VRK1: variants seen among roughly 807,000 people sequenced by gnomAD.
VRK1 encodes the protein serine/threonine-protein kinase VRK1.
Under a neutral mutation model 57.1 loss-of-function variants are expected in VRK1, and 33 were observed. The observed-to-expected ratio is 0.58, with a 90% CI of 0.44 to 0.77. The LOEUF (loss-of-function observed/expected upper bound fraction) is 0.77, where lower values mean the gene tolerates loss of function less well. Ranked by LOEUF, VRK1 falls within the 30% of genes least tolerant of loss-of-function variation. The pLI is 0.00. For synonymous variants in VRK1, 137 were observed against 147.8 expected (o/e 0.93, Z 0.53); for missense variants, 413 against 477.3 (o/e 0.87, Z 1.25).
At chr14:96,848,346 G>A (rs1199235168) in intron 5 of VRK1, among the ~76,000 whole-genome samples, 3 of 152,124 alleles carry the variant, frequency 2.0e-5, no homozygotes, top group South Asian at 4.1e-4. Flanking sequence ...TTTCTCTCAC[G>A]TTTTCTTGGT....
intron 2 of VRK1, among the ~76,000 whole-genome samples, chr14:96,835,409 T>A (rs1887174112): frequency 2.0e-5 from 3 of 152,218 alleles, no homozygotes; most frequent in African/African-American, 7.2e-5. Flanking sequence ...TAGGCACTTC[T>A]GTGTGCTCCG....
intron 1 of VRK1, among the ~76,000 whole-genome samples, chr14:96,828,964 A>C (rs990171408): frequency 6.6e-5 from 10 of 152,152 alleles, no homozygotes; most frequent in African/African-American, 2.4e-4. Flanking sequence ...AGGGAGTTTC[A>C]TTTAGATACA....
intron 1 of VRK1, 80 bp from the exon 2 acceptor site, chr14:96,833,387 A>T: frequency 2.6e-6 from 4 of 1,551,576 alleles, no homozygotes; most frequent in Non-Finnish European, 3.5e-6. Context: ...GCATCTCCGT[A>T]CGGAAGTTTT....
At chr14:96,856,968 A>G (rs1270127145) in intron 10 of VRK1, among the ~76,000 whole-genome samples, 1 of 149,148 alleles carries the variant, frequency 6.7e-6, no homozygotes, top group African/African-American at 2.4e-5. Flanking sequence ...ACTCCGTCTC[A>G]GAAAAAAAAA....
chr14:96,871,921 A>T (rs971723826), intron 11 of VRK1, among the ~76,000 whole-genome samples: 1 of 152,046 alleles, frequency 6.6e-6, no homozygotes, highest in African/African-American at 2.4e-5. Flanking sequence ...CCTGGATTCA[A>T]GCAGTTCTTC....
chr14:96,805,249 A>G (rs1047303683), intron 1 of VRK1, among the ~76,000 whole-genome samples: 2 of 152,226 alleles, frequency 1.3e-5, no homozygotes, highest in Non-Finnish European at 2.9e-5. Context: ...AAATGGCTCA[A>G]ATTGCAGCTT....
intron 2 of VRK1, among the ~76,000 whole-genome samples, chr14:96,834,201 A>G (rs1887125939): frequency 6.6e-6 from 1 of 152,200 alleles, no homozygotes; most frequent in Non-Finnish European, 1.5e-5. Context: ...GACTTAAAAA[A>G]TATTTTACCT....
intron 11 of VRK1, 180 bp downstream of exon 11, chr14:96,860,915 A>G: frequency 3.8e-6 from 2 of 524,834 alleles, no homozygotes; most frequent in Admixed American, 3.5e-5. Context: ...ATATTTATAT[A>G]TTTCTTATGT....
intron 1 of VRK1, among the ~76,000 whole-genome samples, chr14:96,799,730 G>A (rs1356829624): frequency 2.0e-5 from 3 of 152,162 alleles, no homozygotes; most frequent in Non-Finnish European, 4.4e-5. Flanking sequence ...TTCTGAGAAT[G>A]GATTGGTAGC....
chr14:96,803,010 C>T (rs1885724015), intron 1 of VRK1, among the ~76,000 whole-genome samples: 1 of 152,106 alleles, frequency 6.6e-6, no homozygotes, highest in Admixed American at 6.5e-5. Flanking sequence ...GGGTGTAAAT[C>T]ATCCCTTTGT....
intron 11 of VRK1, chr14:96,861,001 G>T (rs1888369271): frequency 1.4e-5 from 4 of 277,724 alleles, no homozygotes; most frequent in Non-Finnish European, 2.7e-5. Flanking sequence ...TTTTGATGGT[G>T]CACTGAATTC....
intron 1 of VRK1, among the ~76,000 whole-genome samples, chr14:96,821,378 T>C (rs1886590000): frequency 6.6e-6 from 1 of 152,194 alleles, no homozygotes; most frequent in East Asian, 1.9e-4. Context: ...CTAATACCAA[T>C]TGTTTCTACT....
intron 1 of VRK1, among the ~76,000 whole-genome samples, chr14:96,819,282 A>G (rs1443477807): frequency 1.3e-5 from 2 of 152,258 alleles, no homozygotes; most frequent in Non-Finnish European, 2.9e-5. Context: ...TTTTTTACCC[A>G]ACTTCTAAAA....
chr14:96,848,588 G>C (rs914396870), intron 5 of VRK1, among the ~76,000 whole-genome samples: 1 of 152,096 alleles, frequency 6.6e-6, no homozygotes, highest in African/African-American at 2.4e-5. Flanking sequence ...ATATGGTTTT[G>C]CTGGGATAGC....
chr14:96,852,839 T>G lies in VRK1; in HGVS notation c.383T>G (p.Phe128Cys). The part of the protein sequence containing the change: ...LHDKNGKSYR[F>C]MIMDRFGSDL... Reference sequence around the variant, plus strand: ...TTCATATTTGTCTTCAGTTACAGGTTTATGATAATGGATCGCTTTGGGAGT... The same window carrying G: ...TTCATATTTGTCTTCAGTTACAGGTGTATGATAATGGATCGCTTTGGGAGT... Residue 128 changes from phenylalanine (F) to cysteine (C), a missense_variant, in exon 6 of 13, where the codon TTT (phenylalanine) becomes TGT (cysteine). By Grantham distance (205) the Phe-to-Cys change is radical. Around this residue, in one of 3 missense-constraint regions of VRK1, gnomAD observed 151 missense variants for 225.5 expected, o/e 0.67. Transcript: ENST00000216639. The G allele has an allele frequency of 6.2e-7, 1 of 1,613,764 alleles. No homozygotes were observed. The highest frequency in any genetic ancestry group is 8.5e-7 in the Non-Finnish European group (1 of 1,179,734).
chr14:96,863,040 C>T (rs1382895731), intron 11 of VRK1, among the ~76,000 whole-genome samples: 1 of 152,122 alleles, frequency 6.6e-6, no homozygotes, highest in Non-Finnish European at 1.5e-5. Context: ...TATGTTTTTG[C>T]AGCCATGCTT....
intron 1 of VRK1, among the ~76,000 whole-genome samples, chr14:96,830,599 C>T (rs149600503): frequency 1.4e-4 from 21 of 152,188 alleles, no homozygotes; most frequent in Admixed American, 9.2e-4. Flanking sequence ...TTATAGCTAT[C>T]AACCTTTTGG....
In VRK1 at chr14:96,881,214, A is replaced by G. The variant is rs1264657996; in HGVS notation, c.*6A>G. On this transcript the variant is annotated 3_prime_UTR_variant, in exon 13 of 13. Transcript: ENST00000216639. The stretch of plus-strand genomic sequence containing the variant: ...GAAAGAGAGTCCAGAAGTAATTCAG[A>G]TGCTGTGAACCAGATTTCCTTTTCT... 6.2e-6 allele frequency: 10 copies of G among 1,602,624 alleles called. No homozygotes were observed. Among genetic ancestry groups the G allele is most frequent in the Non-Finnish European group, 6.8e-6 (8 of 1,173,690 alleles).
chr14:96,845,211 C>CTTT (rs34710890), intron 3 of VRK1, among the ~76,000 whole-genome samples: 57 of 152,064 alleles, frequency 3.7e-4, no homozygotes, highest in Admixed American at 1.6e-3. Flanking sequence ...GCTTTAAAAA[C>CTTT]TTTTTTTAAT....
Sources: gnomAD v4.1 joint callset for allele counts (sites outside exome capture counted in the v4.1 genomes callset) on GRCh38, gnomAD v4.1.1 for gene constraint, gnomAD v4.1.1 regional missense constraint, MANE v1.5 for transcripts, NCBI Gene and HGNC (gene_info 2026-07-23, HGNC 2026-07-21) for gene names.